CRYBG1: variants seen among roughly 807,000 people sequenced by gnomAD.
The protein encoded by CRYBG1 is crystallin beta-gamma domain containing 1.
A neutral mutation model predicts 189.2 loss-of-function variants in CRYBG1; 139 were observed. The observed-to-expected ratio is 0.73, with a 90% CI of 0.64 to 0.85. The LOEUF is 0.85. CRYBG1 is among the 40% of genes least tolerant of loss of function. The pLI is 0.00. For missense variants in CRYBG1, 2,611 were observed against 2,675.8 expected (o/e 0.98, Z 0.53); for synonymous variants, 1,023 against 1,017.1 (o/e 1.01, Z -0.11).
chr6:106,423,979 A>G (rs1259095195), intron 1 of CRYBG1, among the ~76,000 whole-genome samples: 1 of 152,086 alleles, frequency 6.6e-6, no homozygotes. Context: ...TGCTGGGATT[A>G]CAGGTGTGAG....
intron 2 of CRYBG1, among the ~76,000 whole-genome samples, chr6:106,509,848 C>G (rs1345088472): frequency 6.6e-6 from 1 of 152,124 alleles, no homozygotes; most frequent in African/African-American, 2.4e-5. Context: ...TCTTTATAGG[C>G]TGGCTGAGCT....
chr6:106,488,222 G>A (rs1422574385), intron 2 of CRYBG1, among the ~76,000 whole-genome samples: 1 of 152,126 alleles, frequency 6.6e-6, no homozygotes, highest in Non-Finnish European at 1.5e-5. Context: ...TATGTGGTGG[G>A]CTCTCCTTAA....
chr6:106,487,480 T>A (rs1050681879), intron 2 of CRYBG1, among the ~76,000 whole-genome samples: 3 of 152,222 alleles, frequency 2.0e-5, no homozygotes, highest in African/African-American at 7.2e-5. Flanking sequence ...GGTGATGAGT[T>A]CTCTCAGTTT....
At chr6:106,403,881 ATG>A (rs950298526) in intron 1 of CRYBG1, among the ~76,000 whole-genome samples, 5 of 152,266 alleles carry the variant, frequency 3.3e-5, no homozygotes, top group Non-Finnish European at 7.3e-5. Context: ...CTTAAAAACA[ATG>A]TGCAAAACAG....
Position 106,511,552 on chromosome 6 carries a change from T to G in CRYBG1, c.435T>G (p.Asn145Lys). The G allele has an allele frequency of 6.5e-7, 1 of 1,535,722 alleles. No homozygotes were observed. The highest frequency in any genetic ancestry group is 8.7e-7 in the Non-Finnish European group (1 of 1,146,654). Residue 145 changes from asparagine (N) to lysine (K), a missense_variant, in exon 3 of 22, where the codon AAT becomes AAG. Asn to Lys is a moderately conservative substitution (Grantham distance 94, BLOSUM62 0). Transcript: ENST00000633556. ...GGTTAGAGAGTCCCACCAGATCAAATGCCAAACCACTCTCTCCCAAAGATG... is the reference window on the plus strand; with the variant it reads ...GGTTAGAGAGTCCCACCAGATCAAAGGCCAAACCACTCTCTCCCAAAGATG... ...RNGLESPTRS[N>K]AKPLSPKDVV...
intron 1 of CRYBG1, among the ~76,000 whole-genome samples, chr6:106,410,986 A>T (rs763803032): frequency 6.6e-6 from 1 of 152,210 alleles, no homozygotes; most frequent in Non-Finnish European, 1.5e-5. Context: ...CGTTCTGCAC[A>T]TGTATCCCAG....
intron 1 of CRYBG1, among the ~76,000 whole-genome samples, chr6:106,405,390 G>T (rs1262446162): frequency 6.6e-6 from 1 of 152,318 alleles, no homozygotes; most frequent in African/African-American, 2.4e-5. Flanking sequence ...CCAGTCAGGG[G>T]CTTATAGATA....
At chr6:106,472,758 G>T (rs1367511952) in intron 2 of CRYBG1, among the ~76,000 whole-genome samples, 1 of 149,984 alleles carries the variant, frequency 6.7e-6, no homozygotes, top group Non-Finnish European at 1.5e-5. Flanking sequence ...AAAAAAATTA[G>T]CCAGGTGTGG....
intron 1 of CRYBG1, among the ~76,000 whole-genome samples, chr6:106,392,859 C>G (rs1770534261): frequency 6.6e-6 from 1 of 152,092 alleles, no homozygotes; most frequent in African/African-American, 2.4e-5. Flanking sequence ...ACTGCAACCT[C>G]CGCCTTCTGG....
At chr6:106,483,534 G>A (rs1256539230) in intron 2 of CRYBG1, among the ~76,000 whole-genome samples, 1 of 151,826 alleles carries the variant, frequency 6.6e-6, no homozygotes, top group Non-Finnish European at 1.5e-5. Flanking sequence ...TACATACCCA[G>A]CAATGGGATT....
At chr6:106,482,461 G>T (rs1017398074) in intron 2 of CRYBG1, among the ~76,000 whole-genome samples, 1 of 149,618 alleles carries the variant, frequency 6.7e-6, no homozygotes, top group African/African-American at 2.5e-5. Context: ...ACACCAGAGA[G>T]CAGGAATCTG....
At chr6:106,566,852 C>G (rs1774902647) in intron 21 of CRYBG1, among the ~76,000 whole-genome samples, 1 of 152,046 alleles carries the variant, frequency 6.6e-6, no homozygotes, top group South Asian at 2.1e-4. Context: ...TTAAAATTGC[C>G]CTAAGAATTA....
intron 1 of CRYBG1, among the ~76,000 whole-genome samples, chr6:106,389,971 CT>C (rs1482828713): frequency 8.6e-5 from 13 of 151,964 alleles, no homozygotes; most frequent in African/African-American, 3.1e-4. Flanking sequence ...GCAAAGGATA[CT>C]TTTTGTGTAA....
Position 106,543,637 on chromosome 6 carries a change from C to A in CRYBG1, c.5039+40C>A, listed in dbSNP as rs777918139. The A allele has an allele frequency of 1.9e-6, 3 of 1,585,626 alleles. No homozygotes were observed. The South Asian group carries it at 3.4e-5, about 18-fold the overall frequency. ...GACTTGTTAGGATTTCTTTTTTTTC[C>A]GAAATATTAAGTAATAAATGTGCCC... On this transcript the variant is annotated intron_variant, in intron 11 of 21. Transcript: ENST00000633556.
At chr6:106,508,986 CG>C (rs1480378766) in intron 2 of CRYBG1, among the ~76,000 whole-genome samples, 1 of 27,612 alleles carries the variant, frequency 3.6e-5, no homozygotes, top group African/African-American at 9.5e-5. Flanking sequence ...GCTGATCAAG[CG>C]TCTGCTGCAT....
At chr6:106,468,967 C>G (rs992014307) in intron 2 of CRYBG1, among the ~76,000 whole-genome samples, 1 of 152,184 alleles carries the variant, frequency 6.6e-6, no homozygotes, top group Non-Finnish European at 1.5e-5. Flanking sequence ...GATCCAACTA[C>G]TCCTCTGCAT....
intron 1 of CRYBG1, among the ~76,000 whole-genome samples, chr6:106,374,380 T>C (rs1173925759): frequency 6.6e-6 from 1 of 152,052 alleles, no homozygotes; most frequent in African/African-American, 2.4e-5. Flanking sequence ...ATAGGAAGAC[T>C]ATGTCTCTAC....
At chr6:106,378,120 C>G (rs541031939) in intron 1 of CRYBG1, among the ~76,000 whole-genome samples, 1 of 152,272 alleles carries the variant, frequency 6.6e-6, no homozygotes, top group East Asian at 1.9e-4. Flanking sequence ...CTGTCACCCC[C>G]CGGTCATCCC....
chr6:106,432,200 A>G (rs1323039257), intron 1 of CRYBG1, among the ~76,000 whole-genome samples: 1 of 152,182 alleles, frequency 6.6e-6, no homozygotes. Flanking sequence ...ATCACTGTCA[A>G]TGCGAAGAGG....
Sources: allele counts gnomAD v4.1 joint callset (sites outside exome capture counted in the v4.1 genomes callset), GRCh38; gene constraint gnomAD v4.1.1; transcripts MANE v1.5; gene names NCBI Gene and HGNC (gene_info 2026-07-23, HGNC 2026-07-21).